Variants in STK39 observed in about 807,000 individuals in gnomAD.
STK39 encodes the protein STE20/SPS1-related proline-alanine-rich protein kinase.
STK39 carries 20 observed loss-of-function variants against 77.8 expected under a neutral mutation model. That is an observed-to-expected ratio of 0.26 (90% CI 0.18 to 0.37). STK39 has a LOEUF of 0.37. Ranked by LOEUF, STK39 falls within the 10% of genes least tolerant of loss-of-function variation. STK39 has a pLI of 1.00. For synonymous variants in STK39, 246 were observed against 234.1 expected, an observed-to-expected ratio of 1.05 and a Z score of -0.47; for missense variants, 479 against 656.5, an observed-to-expected ratio of 0.73 and a Z score of 2.95.
intron 1 of STK39, among the ~76,000 whole-genome samples, chr2:168,183,772 T>C (rs1371345831): frequency 2.6e-5 from 4 of 152,160 alleles, no homozygotes; most frequent in Admixed American, 6.5e-5. Flanking sequence ...CTACTCCAGG[T>C]CCCACTAGTT....
chr2:168,035,735 A>C (rs980126916), intron 14 of STK39, among the ~76,000 whole-genome samples: 4 of 152,208 alleles, frequency 2.6e-5, no homozygotes, highest in Non-Finnish European at 5.9e-5. Context: ...AGCTGGAAGG[A>C]AACTTTGTGG....
intron 14 of STK39, among the ~76,000 whole-genome samples, chr2:168,023,620 G>A (rs1028279767): frequency 2.0e-5 from 3 of 152,044 alleles, no homozygotes; most frequent in East Asian, 3.9e-4. Flanking sequence ...TCACATTACC[G>A]TCTCTTAGCC....
At chr2:168,169,877 C>G (rs1688780368) in intron 2 of STK39, among the ~76,000 whole-genome samples, 1 of 152,128 alleles carries the variant, frequency 6.6e-6, no homozygotes, top group Admixed American at 6.5e-5. Context: ...GAGTGGCTTT[C>G]CATCAGTTTG....
At chr2:168,026,966 C>A (rs935376533) in intron 14 of STK39, among the ~76,000 whole-genome samples, 15 of 152,116 alleles carry the variant, frequency 9.9e-5, no homozygotes, top group Admixed American at 2.0e-4. Context: ...CACACACACA[C>A]AAAATTCTAG....
chr2:168,242,543 T>A (rs1206902639), intron 1 of STK39, among the ~76,000 whole-genome samples: 2 of 37,984 alleles, frequency 5.3e-5, no homozygotes, highest in East Asian at 1.0e-3. Context: ...AGCAAGACTC[T>A]TACAAAAAAA....
intron 16 of STK39, among the ~76,000 whole-genome samples, chr2:167,987,294 A>G (rs1683585345): frequency 6.6e-6 from 1 of 152,084 alleles, no homozygotes; most frequent in Non-Finnish European, 1.5e-5. Context: ...TGTTAAGAAG[A>G]GGATTTACAG....
chr2:168,016,387 C>CAAAAAAAAAAAA lies in STK39; in HGVS notation c.1429+644_1429+655dup, dbSNP rs869084308. On this transcript the variant is annotated intron_variant, in intron 15 of 17. Transcript: ENST00000355999. ...TTTTGTTTGGCTGGTGGCCTTTGTTCAAAAAAAAAAAAAAAAAAAAAAAAA... is the reference window on the plus strand; with the variant it reads ...TTTTGTTTGGCTGGTGGCCTTTGTTCAAAAAAAAAAAAAAAAAAAAAAAAAAAAAAAAAAAAA... Among the ~76,000 whole-genome samples, 85 of 65,678 alleles carry CAAAAAAAAAAAA rather than the reference C, an allele frequency of 1.3e-3. 6 individuals are homozygous for CAAAAAAAAAAAA. Among genetic ancestry groups the CAAAAAAAAAAAA allele is most frequent in the African/African-American group, 4.5e-3 (82 of 18,026 alleles). 43.1% of individuals were successfully genotyped at this position (65,678 alleles called of 152,430 possible). A position where few individuals can be genotyped will look rare whatever the true frequency, so the allele number is the denominator to read the frequency against.
intron 10 of STK39, among the ~76,000 whole-genome samples, chr2:168,111,542 A>G (rs1030414709): frequency 1.3e-5 from 2 of 152,192 alleles, no homozygotes; most frequent in Non-Finnish European, 2.9e-5. Flanking sequence ...ATTACCTGAT[A>G]GGTGATCTGT....
In STK39 at chr2:168,157,243, C is replaced by T. The variant is rs148814452; in HGVS notation, c.628+4544G>A. On this transcript the variant is annotated intron_variant, in intron 5 of 17. Coordinates refer to ENST00000355999, the MANE Select transcript of STK39 (RefSeq NM_013233.3). ...ATAAGAGATGCTACCCAAAGTTCTACCAATGTACCTTGGACAGTGAAAAAC... is the reference window on the plus strand; with the variant it reads ...ATAAGAGATGCTACCCAAAGTTCTATCAATGTACCTTGGACAGTGAAAAAC... Among the ~76,000 whole-genome samples, 1,004 of 152,308 alleles carry T rather than the reference C, an allele frequency of 6.6e-3. 12 individuals are homozygous for T. The highest frequency in any genetic ancestry group is 0.023 in the African/African-American group (941 of 41,550).
At chr2:168,096,906 GA>G (rs35250426) in intron 10 of STK39, among the ~76,000 whole-genome samples, 5 of 151,288 alleles carry the variant, frequency 3.3e-5, no homozygotes, top group African/African-American at 9.7e-5. Flanking sequence ...AATAAGCATA[GA>G]AAAAAAAACC....
At chr2:168,059,959 C>A (rs1454939829) in intron 14 of STK39, among the ~76,000 whole-genome samples, 1 of 152,128 alleles carries the variant, frequency 6.6e-6, no homozygotes, top group African/African-American at 2.4e-5. Context: ...TACATTACAG[C>A]ACCTGGAACA....
intron 1 of STK39, among the ~76,000 whole-genome samples, chr2:168,210,557 T>C (rs1354676654): frequency 6.6e-6 from 1 of 152,214 alleles, no homozygotes; most frequent in Non-Finnish European, 1.5e-5. Flanking sequence ...TCTTGCTCTG[T>C]CGTCCAGGCA....
intron 14 of STK39, among the ~76,000 whole-genome samples, chr2:168,038,994 A>C (rs1202874520): frequency 6.6e-6 from 1 of 152,206 alleles, no homozygotes; most frequent in Non-Finnish European, 1.5e-5. Flanking sequence ...TAAAAAGTTA[A>C]ACACACACCT....
chr2:168,183,153 A>G (rs1036924445), intron 1 of STK39, among the ~76,000 whole-genome samples: 1 of 152,144 alleles, frequency 6.6e-6, no homozygotes, highest in African/African-American at 2.4e-5. Context: ...GAAGGGCCCA[A>G]ATGGGTGTTT....
chr2:168,196,400 C>T (rs1186130410), intron 1 of STK39, among the ~76,000 whole-genome samples: 2 of 152,162 alleles, frequency 1.3e-5, no homozygotes, highest in African/African-American at 2.4e-5. Flanking sequence ...TGGTGGCTCA[C>T]GCCTGTAATC....
intron 16 of STK39, among the ~76,000 whole-genome samples, chr2:167,989,778 T>C (rs1037097890): frequency 6.6e-6 from 1 of 152,078 alleles, no homozygotes; most frequent in Non-Finnish European, 1.5e-5. Flanking sequence ...AGACAGGAAA[T>C]TTTAAAAATT....
intron 1 of STK39, among the ~76,000 whole-genome samples, chr2:168,213,485 G>A (rs1689945659): frequency 6.6e-6 from 1 of 151,708 alleles, no homozygotes; most frequent in South Asian, 2.1e-4. Flanking sequence ...AATATATAGA[G>A]GACCAGCCTG....
intron 14 of STK39, among the ~76,000 whole-genome samples, chr2:168,033,649 C>G (rs1684881087): frequency 6.6e-6 from 1 of 152,172 alleles, no homozygotes; most frequent in Non-Finnish European, 1.5e-5. Context: ...GAGCATAACT[C>G]CTTGTAACAG....
At chr2:167,992,825 A>C (rs1189718061) in intron 16 of STK39, among the ~76,000 whole-genome samples, 2 of 152,236 alleles carry the variant, frequency 1.3e-5, no homozygotes, top group East Asian at 3.8e-4. Flanking sequence ...ATGAAGCACC[A>C]AGGGTACACC....
Sources: allele counts gnomAD v4.1 joint callset (sites outside exome capture counted in the v4.1 genomes callset), GRCh38; gene constraint gnomAD v4.1.1; transcripts MANE v1.5; gene names NCBI Gene and HGNC (gene_info 2026-07-23, HGNC 2026-07-21).